NAV3: variants seen among roughly 807,000 people sequenced by gnomAD.
NAV3 encodes neuron navigator 3.
In NAV3, 87 loss-of-function variants were observed where a neutral mutation model predicts 244.7. That is an observed-to-expected ratio of 0.36 (90% CI 0.30 to 0.42). NAV3 has a LOEUF of 0.42. Ranked by LOEUF, NAV3 falls within the 20% of genes least tolerant of loss-of-function variation. NAV3 has a pLI of 1.00. For missense variants in NAV3, 2,663 were observed against 2,893.3 expected (o/e 0.92, Z 1.83); for synonymous variants, 1,126 against 1,042.2 (o/e 1.08, Z -1.55).
At chr12:78,080,957 G>T (rs1953315780) in intron 12 of NAV3, among the ~76,000 whole-genome samples, 1 of 152,196 alleles carries the variant, frequency 6.6e-6, no homozygotes, top group Admixed American at 6.5e-5. Flanking sequence ...AGGCAATTTA[G>T]TTATCATAAG....
intron 3 of NAV3, among the ~76,000 whole-genome samples, chr12:77,948,680 G>GC (rs148302246): frequency 0.34 from 44,261 of 129,276 alleles, 8,190 homozygotes; most frequent in African/African-American, 0.51. Flanking sequence ...TTTTTCAATT[G>GC]CCCCCCCACC....
At chr12:78,119,998 G>A (rs2138644151) in intron 15 of NAV3, 53 bp downstream of exon 15, 1 of 1,349,580 alleles carries the variant, frequency 7.4e-7, no homozygotes, top group East Asian at 2.3e-5. Flanking sequence ...ATATGTGTTA[G>A]ACACATACAT....
At chr12:77,610,776 C>G (rs1870875898) in intron 2 of NAV3, among the ~76,000 whole-genome samples, 2 of 151,960 alleles carry the variant, frequency 1.3e-5, no homozygotes, top group Admixed American at 6.6e-5. Flanking sequence ...GAAAGTGAGC[C>G]TGGTCTCCAT....
chr12:78,106,031 T>G (rs953123521), intron 12 of NAV3, among the ~76,000 whole-genome samples: 2 of 151,620 alleles, frequency 1.3e-5, no homozygotes, highest in Non-Finnish European at 3.0e-5. Context: ...AATATTATCA[T>G]AGAGGAAAAA....
At chr12:78,169,473 A>G (rs413796) in intron 24 of NAV3, among the ~76,000 whole-genome samples, 6,889 of 151,782 alleles carry the variant, frequency 0.045, 192 homozygotes, top group Non-Finnish European at 0.071. Context: ...TCACCACTGA[A>G]GAAATGCTCA....
chr12:77,967,030 T>C (rs1235867670), intron 4 of NAV3, among the ~76,000 whole-genome samples: 3 of 152,110 alleles, frequency 2.0e-5, no homozygotes, highest in African/African-American at 7.2e-5. Flanking sequence ...TTATGATATA[T>C]AATTAAATTA....
rs1593691576 is a variant in NAV3 at position 78,125,963 on chromosome 12, G to A, written c.4239-1204G>A. On this transcript the variant is annotated intron_variant, in intron 16 of 39. Transcript: ENST00000397909. ...CATGGAAATAAATAATCCTTAAAAT[G>A]ACTTATGACCACATAAATGCCTTAG... Among the ~76,000 whole-genome samples, 5 of 152,052 alleles carry A rather than the reference G, an allele frequency of 3.3e-5. No individual in the cohort carries two copies. The South Asian group carries it at 1.0e-3, about 31-fold the overall frequency.
intron 1 of NAV3, among the ~76,000 whole-genome samples, chr12:77,895,906 T>A (rs1884557631): frequency 1.3e-5 from 2 of 148,624 alleles, no homozygotes; most frequent in Non-Finnish European, 3.0e-5. Flanking sequence ...TCTAATTATA[T>A]TCTAGCCTTT....
intron 18 of NAV3, among the ~76,000 whole-genome samples, chr12:78,133,946 G>T (rs150741306): frequency 1.2e-4 from 18 of 152,246 alleles, no homozygotes; most frequent in African/African-American, 4.3e-4. Flanking sequence ...TAGTTCTTGT[G>T]AGCCATCTCA....
At chr12:77,920,687 A>C (rs1887628270) in intron 1 of NAV3, among the ~76,000 whole-genome samples, 1 of 152,070 alleles carries the variant, frequency 6.6e-6, no homozygotes, top group Non-Finnish European at 1.5e-5. Flanking sequence ...CATGTAGGCG[A>C]ATATTTGTCA....
Position 77,914,236 on chromosome 12 carries a change from G to A in NAV3, c.244-26083G>A, listed in dbSNP as rs1886904196. Reference sequence around the variant, plus strand: ...CAGACTAATACTATTGGTCTTACTGGCACTTAAAGTGGTCATGCCTTTGAT... The same window carrying A: ...CAGACTAATACTATTGGTCTTACTGACACTTAAAGTGGTCATGCCTTTGAT... On this transcript the variant is annotated intron_variant, in intron 1 of 39. Coordinates refer to ENST00000397909, the MANE Select transcript of NAV3 (RefSeq NM_001024383.2). 2.0e-5 allele frequency among the ~76,000 whole-genome samples: 3 copies of A among 152,050 alleles called. No individual in the cohort carries two copies. In the South Asian group the frequency reaches 6.2e-4, roughly 32 times the overall value.
At chr12:77,837,832 A>G (rs183225380) in intron 1 of NAV3, among the ~76,000 whole-genome samples, 1 of 152,372 alleles carries the variant, frequency 6.6e-6, no homozygotes, top group East Asian at 1.9e-4. Context: ...AAGACAATTA[A>G]GTTGACACAT....
chr12:77,849,577 G>A (rs1877181530), intron 1 of NAV3, among the ~76,000 whole-genome samples: 2 of 152,054 alleles, frequency 1.3e-5, no homozygotes, highest in Non-Finnish European at 2.9e-5. Context: ...ATTACCTTTA[G>A]GCTAAACGTA....
intron 38 of NAV3, among the ~76,000 whole-genome samples, chr12:78,204,202 T>A (rs1369519178): frequency 6.9e-6 from 1 of 145,092 alleles, no homozygotes; most frequent in Non-Finnish European, 1.5e-5. Flanking sequence ...CGGGGACTGT[T>A]GTGGGGTGGG....
chr12:78,034,765 A>G (rs559786604), intron 9 of NAV3, among the ~76,000 whole-genome samples: 91 of 152,342 alleles, frequency 6.0e-4, no homozygotes, highest in African/African-American at 2.1e-3. Flanking sequence ...ATAACTCAAA[A>G]TGAAAGAAAA....
intron 2 of NAV3, among the ~76,000 whole-genome samples, chr12:77,683,729 AGCATAATGTTTTT>A (rs887525636): frequency 2.0e-5 from 3 of 152,146 alleles, no homozygotes; most frequent in Admixed American, 2.0e-4. Context: ...TAGTCTGCTA[AGCATAATGTTTTT>A]GAGATTCTTT....
chr12:78,154,279 A>ATATATACTAC (rs1274484410), intron 22 of NAV3, among the ~76,000 whole-genome samples: 2 of 111,080 alleles, frequency 1.8e-5, no homozygotes, highest in Non-Finnish European at 3.7e-5. Context: ...ATATATTACT[A>ATATATACTAC]TATATACTAC....
chr12:77,814,246 GA>G (rs954423390), intron 2 of NAV3, among the ~76,000 whole-genome samples: 148 of 145,140 alleles, frequency 1.0e-3, no homozygotes, highest in African/African-American at 1.5e-3. Flanking sequence ...CGTATGTGGA[GA>G]AAAAAAAAAA....
chr12:78,026,846 G>A (rs576419578), intron 9 of NAV3, among the ~76,000 whole-genome samples: 8 of 152,212 alleles, frequency 5.3e-5, no homozygotes, highest in East Asian at 1.9e-4. Context: ...GCATTAAAAT[G>A]AGAACTACGC....
Sources: allele counts gnomAD v4.1 joint callset (sites outside exome capture counted in the v4.1 genomes callset), GRCh38; gene constraint gnomAD v4.1.1; transcripts MANE v1.5; gene names NCBI Gene and HGNC (gene_info 2026-07-23, HGNC 2026-07-21).